ROR1: variants seen among roughly 807,000 people sequenced by gnomAD.
ROR1 encodes the protein inactive tyrosine-protein kinase transmembrane receptor ROR1.
A neutral mutation model predicts 78.8 loss-of-function variants in ROR1; 19 were observed. The observed-to-expected ratio is 0.24, with a 90% CI of 0.17 to 0.35. ROR1 has a LOEUF of 0.35. ROR1 is among the 10% of genes least tolerant of loss of function. The probability of loss-of-function intolerance (pLI) is 1.00; values close to 1 mark genes in which losing one functional copy is unlikely to be tolerated. For synonymous variants in ROR1, 386 were observed against 433.6 expected (o/e 0.89, Z 1.36); for missense variants, 917 against 1,177.8 (o/e 0.78, Z 3.24).
intron 1 of ROR1, chr1:63,843,122 G>A: frequency 1.5e-6 from 1 of 675,334 alleles, no homozygotes. Context: ...GGGAGGAAGG[G>A]GACGGCCTGC....
chr1:63,929,219 A>G (rs1645732222), intron 1 of ROR1, among the ~76,000 whole-genome samples: 1 of 152,134 alleles, frequency 6.6e-6, no homozygotes, highest in African/African-American at 2.4e-5. Flanking sequence ...TTGGACATCT[A>G]TCCTGTAGAG....
At chr1:63,998,854 G>T (rs1189957417) in intron 1 of ROR1, among the ~76,000 whole-genome samples, 1 of 152,202 alleles carries the variant, frequency 6.6e-6, no homozygotes, top group East Asian at 1.9e-4. Flanking sequence ...GGGACCCAGT[G>T]GGAGATAATT....
chr1:63,878,230 C>T (rs970250860), intron 1 of ROR1, among the ~76,000 whole-genome samples: 4 of 152,136 alleles, frequency 2.6e-5, no homozygotes, highest in African/African-American at 7.2e-5. Flanking sequence ...AGGTGAAGGG[C>T]CTTACAGGAC....
chr1:64,014,773 T>TATATATATATATATATATATAC (rs71056017), intron 2 of ROR1, among the ~76,000 whole-genome samples: 4 of 47,010 alleles, frequency 8.5e-5, no homozygotes, highest in African/African-American at 2.2e-4. Flanking sequence ...TATATATATA[T>TATATATATATATATATATATAC]ACACATTTTG....
chr1:64,013,028 CTTTTAG>C (rs2100547044), intron 2 of ROR1, among the ~76,000 whole-genome samples: 1 of 152,246 alleles, frequency 6.6e-6, no homozygotes, highest in East Asian at 1.9e-4. Context: ...TCCTGTGTGA[CTTTTAG>C]CAAGCCTCTC....
At chr1:63,810,617 A>G (rs530545289) in intron 1 of ROR1, among the ~76,000 whole-genome samples, 1 of 152,336 alleles carries the variant, frequency 6.6e-6, no homozygotes, top group East Asian at 1.9e-4. Flanking sequence ...AAAAGATTAT[A>G]TTTGAGCTGG....
At chr1:63,843,038 G>A (rs2100317532) in intron 1 of ROR1, among the ~76,000 whole-genome samples, 1 of 152,220 alleles carries the variant, frequency 6.6e-6, no homozygotes, top group South Asian at 2.1e-4. Context: ...TCCAGGGAGT[G>A]GGGGGATCTG....
At chr1:63,883,497 A>C (rs1645336980) in intron 1 of ROR1, among the ~76,000 whole-genome samples, 1 of 152,172 alleles carries the variant, frequency 6.6e-6, no homozygotes, top group Admixed American at 6.5e-5. Flanking sequence ...CCGGGAAAGA[A>C]GGCACCTTCC....
intron 1 of ROR1, among the ~76,000 whole-genome samples, chr1:63,963,695 C>G (rs1233459089): frequency 6.6e-6 from 1 of 152,134 alleles, no homozygotes; most frequent in Non-Finnish European, 1.5e-5. Context: ...GGCTCCTTTA[C>G]GGATAGGTGT....
chr1:64,077,099 C>T (rs1020728037), intron 4 of ROR1, among the ~76,000 whole-genome samples: 2 of 152,102 alleles, frequency 1.3e-5, no homozygotes, highest in African/African-American at 4.8e-5. Flanking sequence ...GCACATAGTA[C>T]GGAGGCAAAG....
rs1238794606 is a variant in ROR1, at chr1:63,924,997, CTTTATTT to C, written c.92-84290_92-84284del. On this transcript the variant is annotated intron_variant, in intron 1 of 8. Transcript: ENST00000371079. ...CCACCCAGATGACACCTTTTTCTTT[CTTTATTT>C]TTTATTTTTTATTTTTTTATTATTA... is the stretch of plus-strand genomic sequence containing the variant. 1.2e-3 allele frequency among the ~76,000 whole-genome samples: 96 copies of C among 83,418 alleles called. 1 individual carries two copies. Among genetic ancestry groups the C allele is most frequent in the Non-Finnish European group, 1.4e-3 (57 of 39,560 alleles). The allele number at this position is 83,418 out of a possible 152,430, so 54.7% of individuals were successfully genotyped here.
intron 1 of ROR1, among the ~76,000 whole-genome samples, chr1:63,871,656 C>G (rs1645252008): frequency 6.6e-6 from 1 of 152,188 alleles, no homozygotes; most frequent in African/African-American, 2.4e-5. Flanking sequence ...AGACATTTGC[C>G]TTGACAGTGC....
At chr1:64,138,961 G>A (rs1042473810) in intron 5 of ROR1, among the ~76,000 whole-genome samples, 2 of 151,866 alleles carry the variant, frequency 1.3e-5, no homozygotes, top group African/African-American at 4.8e-5. Flanking sequence ...CCAGGAGTTC[G>A]AGACCAGCCC....
At chr1:63,886,478 G>A (rs1024484599) in intron 1 of ROR1, among the ~76,000 whole-genome samples, 2 of 152,128 alleles carry the variant, frequency 1.3e-5, no homozygotes, top group Non-Finnish European at 2.9e-5. Flanking sequence ...CCAGGGATCC[G>A]GGAAGGTCTG....
intron 1 of ROR1, among the ~76,000 whole-genome samples, chr1:63,969,750 T>G (rs2100495564): frequency 6.6e-6 from 1 of 151,320 alleles, no homozygotes; most frequent in South Asian, 2.1e-4. Context: ...CCCCTTCTTT[T>G]TAATCTAACC....
At chr1:64,134,435 C>T (rs1649031428) in intron 4 of ROR1, among the ~76,000 whole-genome samples, 1 of 152,188 alleles carries the variant, frequency 6.6e-6, no homozygotes, top group Admixed American at 6.5e-5. Context: ...CCACCACAGA[C>T]TGACTTTGTG....
chr1:64,079,041 C>T (rs1040340606), intron 4 of ROR1, among the ~76,000 whole-genome samples: 4 of 151,918 alleles, frequency 2.6e-5, no homozygotes, highest in East Asian at 3.9e-4. Context: ...ATTAGAGTGG[C>T]GAAAGGTAAT....
intron 1 of ROR1, among the ~76,000 whole-genome samples, chr1:63,950,824 C>A (rs1444836882): frequency 1.3e-5 from 2 of 152,168 alleles, no homozygotes; most frequent in African/African-American, 4.8e-5. Context: ...AGATTCCCTG[C>A]AAGAGTTAAA....
intron 1 of ROR1, among the ~76,000 whole-genome samples, chr1:63,981,112 A>G (rs1431885128): frequency 6.6e-6 from 1 of 152,158 alleles, no homozygotes; most frequent in African/African-American, 2.4e-5. Flanking sequence ...AGTAATAGTA[A>G]TAATGAAATC....
Sources: allele counts gnomAD v4.1 joint callset (sites outside exome capture counted in the v4.1 genomes callset), GRCh38; gene constraint gnomAD v4.1.1; transcripts MANE v1.5; gene names NCBI Gene and HGNC (gene_info 2026-07-23, HGNC 2026-07-21).